Variants in UBE2R2 observed in about 807,000 individuals in gnomAD.
The protein encoded by UBE2R2 is ubiquitin-conjugating enzyme E2 R2.
Under a neutral mutation model 27.8 loss-of-function variants are expected in UBE2R2, and 1 was observed. The ratio of observed to expected loss-of-function variants is 0.04; its 90% confidence interval spans 0.01 to 0.17. UBE2R2 has a LOEUF of 0.17. Among genes scored for constraint, UBE2R2 ranks in the 10% least tolerant of loss-of-function variants. The pLI is 1.00. For synonymous variants in UBE2R2, 106 were observed against 113.3 expected, an observed-to-expected ratio of 0.94 and a Z score of 0.41; for missense variants, 100 against 291.0, an observed-to-expected ratio of 0.34 and a Z score of 4.78.
intron 4 of UBE2R2, among the ~76,000 whole-genome samples, chr9:33,912,881 A>G (rs368904300): frequency 3.9e-5 from 6 of 152,190 alleles, no homozygotes; most frequent in African/African-American, 1.4e-4. Flanking sequence ...AGGTTCTTAT[A>G]ATAGTACCCA....
intron 1 of UBE2R2, among the ~76,000 whole-genome samples, chr9:33,819,554 A>G (rs1029328594): frequency 1.2e-4 from 19 of 152,232 alleles, no homozygotes; most frequent in Non-Finnish European, 2.6e-4. Flanking sequence ...TGCTGTGTTT[A>G]TGATGAAGCA....
rs566036023 is a variant in UBE2R2 at position 33,823,050 on chromosome 9, G to A, written c.177+5116G>A. Reference sequence around the variant, plus strand: ...CTCCCAAGTAGCTGGGATTACAGGCGTGCACCACCATGCCTGGCTAATTTT... The same window carrying A: ...CTCCCAAGTAGCTGGGATTACAGGCATGCACCACCATGCCTGGCTAATTTT... On this transcript the variant is annotated intron_variant, in intron 1 of 4. Coordinates refer to ENST00000263228, the MANE Select transcript of UBE2R2 (RefSeq NM_017811.4). Among the ~76,000 whole-genome samples the A allele has an allele frequency of 3.9e-3, 584 of 150,732 alleles. 1 individual carries two copies. Among genetic ancestry groups the A allele is most frequent in the Non-Finnish European group, 5.9e-3 (399 of 67,654 alleles).
At chr9:33,911,754 ATT>A (rs911588963) in intron 3 of UBE2R2, among the ~76,000 whole-genome samples, 1 of 151,848 alleles carries the variant, frequency 6.6e-6, no homozygotes, top group Non-Finnish European at 1.5e-5. Flanking sequence ...GCTGAAAAAA[ATT>A]TTTTTTTATT....
chr9:33,822,074 A>G (rs1476875099), intron 1 of UBE2R2, among the ~76,000 whole-genome samples: 1 of 150,586 alleles, frequency 6.6e-6, no homozygotes, highest in Non-Finnish European at 1.5e-5. Flanking sequence ...ATTAGACTCA[A>G]CACTGACATA....
At chr9:33,821,202 G>T (rs1392330955) in intron 1 of UBE2R2, among the ~76,000 whole-genome samples, 4 of 152,096 alleles carry the variant, frequency 2.6e-5, no homozygotes, top group African/African-American at 9.7e-5. Context: ...ACTTAGTTTG[G>T]GGTACAGTGG....
intron 1 of UBE2R2, among the ~76,000 whole-genome samples, chr9:33,848,380 G>T (rs1348136434): frequency 6.6e-6 from 1 of 151,934 alleles, no homozygotes; most frequent in Non-Finnish European, 1.5e-5. Context: ...ATTGTATACA[G>T]ACTTTGCATA....
At chr9:33,901,827 T>TA (rs1822250616) in intron 3 of UBE2R2, among the ~76,000 whole-genome samples, 1 of 152,192 alleles carries the variant, frequency 6.6e-6, no homozygotes, top group African/African-American at 2.4e-5. Flanking sequence ...CAAAAAATGT[T>TA]ACTTTCTTTC....
Position 33,909,006 on chromosome 9 carries a change from T to TTAAATAAATAAATAAATAAATAAATAAA in UBE2R2, c.363-2936_363-2935insAATAAATAAATAAATAAATAAATAAATA, listed in dbSNP as rs138047093. On this transcript the variant is annotated intron_variant, in intron 3 of 4. Coordinates refer to ENST00000263228, the MANE Select transcript of UBE2R2 (RefSeq NM_017811.4). ...GGGGCAACATAGTGAGACCCTGTCT[T>TTAAATAAATAAATAAATAAATAAATAAA]TAAATAAATAAATAAATAAATATTA... 1.9e-3 allele frequency among the ~76,000 whole-genome samples: 288 copies of TTAAATAAATAAATAAATAAATAAATAAA among 150,268 alleles called. 2 individuals are homozygous for TTAAATAAATAAATAAATAAATAAATAAA. The highest frequency in any genetic ancestry group is 6.4e-3 in the African/African-American group (260 of 40,676).
intron 1 of UBE2R2, among the ~76,000 whole-genome samples, chr9:33,884,365 G>T (rs1821808975): frequency 6.8e-6 from 1 of 147,502 alleles, no homozygotes; most frequent in African/African-American, 2.5e-5. Flanking sequence ...GCCCACTGCA[G>T]CCCCACCTCC....
At chr9:33,882,792 G>C (rs956438721) in intron 1 of UBE2R2, among the ~76,000 whole-genome samples, 2 of 152,124 alleles carry the variant, frequency 1.3e-5, no homozygotes, top group African/African-American at 4.8e-5. Flanking sequence ...TTTGTCATCT[G>C]AAAAAGAAAC....
chr9:33,837,334 T>G, intron 1 of UBE2R2, among the ~76,000 whole-genome samples: 1 of 151,754 alleles, frequency 6.6e-6, no homozygotes, highest in East Asian at 1.9e-4. Flanking sequence ...TATTCTTATC[T>G]CAGCCCCGAC....
At chr9:33,887,025 T>A (rs1587469714) in intron 2 of UBE2R2, 58 bp downstream of exon 2, 1 of 1,355,066 alleles carries the variant, frequency 7.4e-7, no homozygotes, top group Non-Finnish European at 1.0e-6. Context: ...ATCAGTACTT[T>A]AAAATAGCCT....
chr9:33,835,902 A>T (rs1226279598), intron 1 of UBE2R2, among the ~76,000 whole-genome samples: 2 of 152,214 alleles, frequency 1.3e-5, no homozygotes, highest in African/African-American at 2.4e-5. Flanking sequence ...CTTGTAGAAG[A>T]AAGTAAAGAT....
chr9:33,816,948 G>T (rs1342249271), upstream of UBE2R2, among the ~76,000 whole-genome samples: 1 of 152,150 alleles, frequency 6.6e-6, no homozygotes, highest in Non-Finnish European at 1.5e-5. Context: ...CGGGGGACAC[G>T]CGCCAGCGTC....
At chr9:33,845,495 A>C (rs1448235329) in intron 1 of UBE2R2, among the ~76,000 whole-genome samples, 2 of 150,724 alleles carry the variant, frequency 1.3e-5, no homozygotes, top group Non-Finnish European at 3.0e-5. Context: ...TGATCTGCCC[A>C]CCTCGGCCTC....
chr9:33,861,842 ACTTT>A lies in UBE2R2; in HGVS notation c.178-25034_178-25031del, dbSNP rs973850919. ...CCCCAGAGATACCATTTGTTGATCC[ACTTT>A]CTTTTTTTTTTTTTTTTTTTTTTTT... On this transcript the variant is annotated intron_variant, in intron 1 of 4. Transcript: ENST00000263228. Among the ~76,000 whole-genome samples the A allele has an allele frequency of 1.1e-3, 149 of 133,750 alleles. 2 individuals are homozygous for A. The East Asian group carries it at 0.028, about 25-fold the overall frequency. The allele number at this position is 133,750 out of a possible 152,430, so 87.7% of individuals were successfully genotyped here.
rs535383273 is a variant in UBE2R2 at position 33,847,665 on chromosome 9, G to A, written c.177+29731G>A. On this transcript the variant is annotated intron_variant, in intron 1 of 4. Transcript: ENST00000263228. ...TTAACCTACGTATAGTAGAATTTTT[G>A]ACTATGTTCTGTGTGTCTCCAACAC... Among the ~76,000 whole-genome samples the A allele has an allele frequency of 5.4e-4, 81 of 150,920 alleles. No homozygotes were observed. In the South Asian group the frequency reaches 8.8e-3, roughly 16 times the overall value.
chr9:33,816,082 C>T (rs1329232169), upstream of UBE2R2, among the ~76,000 whole-genome samples: 5 of 151,968 alleles, frequency 3.3e-5, no homozygotes, highest in Non-Finnish European at 7.4e-5. Flanking sequence ...TCAAACAAAA[C>T]AAAACCAAAA....
At chr9:33,900,731 A>G (rs2130810034) in intron 3 of UBE2R2, among the ~76,000 whole-genome samples, 1 of 152,150 alleles carries the variant, frequency 6.6e-6, no homozygotes, top group Middle Eastern at 3.4e-3. Flanking sequence ...GTGTATACAT[A>G]TATGTATTTA....
Sources: allele counts gnomAD v4.1 joint callset (sites outside exome capture counted in the v4.1 genomes callset), GRCh38; gene constraint gnomAD v4.1.1; transcripts MANE v1.5; gene names NCBI Gene and HGNC (gene_info 2026-07-23, HGNC 2026-07-21).